PRPSAP2: variants seen among roughly 807,000 people sequenced by gnomAD.
PRPSAP2 encodes the protein phosphoribosyl pyrophosphate synthetase associated protein 2, also known as phosphoribosyl pyrophosphate synthase-associated protein 2.
A neutral mutation model predicts 40.6 loss-of-function variants in PRPSAP2; 24 were observed. The observed-to-expected ratio is 0.59, with a 90% CI of 0.43 to 0.83. The LOEUF (loss-of-function observed/expected upper bound fraction) is 0.83, where lower values mean the gene tolerates loss of function less well. Ranked by LOEUF, PRPSAP2 falls within the 40% of genes least tolerant of loss-of-function variation. The pLI, the probability that PRPSAP2 is intolerant of heterozygous loss-of-function variation, is 0.00. For synonymous variants in PRPSAP2, 149 were observed against 164.7 expected, an observed-to-expected ratio of 0.90 and a Z score of 0.73; for missense variants, 292 against 465.6, an observed-to-expected ratio of 0.63 and a Z score of 3.43.
intron 9 of PRPSAP2, among the ~76,000 whole-genome samples, chr17:18,916,376 A>ATT (rs1160254744): frequency 1.3e-4 from 18 of 137,726 alleles, no homozygotes; most frequent in South Asian, 2.3e-4. Context: ...TAGACTTGGT[A>ATT]TTTTTTTTTT....
chr17:18,887,537 G>C (rs542525572), intron 7 of PRPSAP2, among the ~76,000 whole-genome samples: 1 of 152,084 alleles, frequency 6.6e-6, no homozygotes, highest in Non-Finnish European at 1.5e-5. Context: ...CCATCTTTGG[G>C]AATTTTTTTT....
chr17:18,900,132 G>A (rs942630118), intron 8 of PRPSAP2, among the ~76,000 whole-genome samples: 2 of 151,876 alleles, frequency 1.3e-5, no homozygotes, highest in Admixed American at 6.6e-5. Flanking sequence ...TGATCTGCCC[G>A]CCTCAGCCTC....
chr17:18,863,473 G>A (rs1208767974), intron 1 of PRPSAP2, among the ~76,000 whole-genome samples: 1 of 152,076 alleles, frequency 6.6e-6, no homozygotes, highest in Non-Finnish European at 1.5e-5. Flanking sequence ...GAATGTTGAT[G>A]ATTAAACGTA....
chr17:18,900,282 A>G (rs1411247844), intron 8 of PRPSAP2, among the ~76,000 whole-genome samples: 1 of 152,200 alleles, frequency 6.6e-6, no homozygotes, highest in Non-Finnish European at 1.5e-5. Context: ...TCGGCCTCCC[A>G]AAGTACTGGA....
intron 8 of PRPSAP2, among the ~76,000 whole-genome samples, chr17:18,909,724 AC>A (rs1237278195): frequency 6.6e-6 from 1 of 151,134 alleles, no homozygotes; most frequent in Non-Finnish European, 1.5e-5. Context: ...GGCCAACATG[AC>A]AAAACCCCGT....
chr17:18,913,351 A>G (rs190308469), intron 9 of PRPSAP2, among the ~76,000 whole-genome samples: 5 of 152,116 alleles, frequency 3.3e-5, no homozygotes, highest in Admixed American at 2.0e-4. Context: ...GGCCCGAGCT[A>G]TAGTTGGACC....
At chr17:18,909,940 C>T (rs2040855731) in intron 8 of PRPSAP2, among the ~76,000 whole-genome samples, 1 of 152,106 alleles carries the variant, frequency 6.6e-6, no homozygotes, top group African/African-American at 2.4e-5. Flanking sequence ...ATACAGAGAT[C>T]TGTGTATGAA....
At chr17:18,868,450 G>T (rs533963028) in intron 4 of PRPSAP2, among the ~76,000 whole-genome samples, 1 of 150,698 alleles carries the variant, frequency 6.6e-6, no homozygotes, top group South Asian at 2.1e-4. Flanking sequence ...ACTCCAGCCT[G>T]GGGGGGAACA....
chr17:18,880,091 C>T (rs889803533), intron 6 of PRPSAP2, among the ~76,000 whole-genome samples: 1 of 151,660 alleles, frequency 6.6e-6, no homozygotes, highest in South Asian at 2.1e-4. Flanking sequence ...AGCAAAACTC[C>T]GTCTCAAAAA....
intron 11 of PRPSAP2, among the ~76,000 whole-genome samples, chr17:18,929,261 G>T (rs1022965099): frequency 6.6e-5 from 10 of 152,032 alleles, no homozygotes; most frequent in African/African-American, 2.4e-4. Flanking sequence ...GGAGGCTGAG[G>T]CAAGAGAATC....
chr17:18,925,062 G>A (rs2041899412), intron 10 of PRPSAP2, among the ~76,000 whole-genome samples: 2 of 152,108 alleles, frequency 1.3e-5, no homozygotes, highest in Admixed American at 6.5e-5. Context: ...GGAGGTTGCA[G>A]TGAGCCAAGA....
In PRPSAP2 at chr17:18,913,353, A is replaced by G. The variant is rs114288024; in HGVS notation, c.733+2102A>G. Among the ~76,000 whole-genome samples the G allele has an allele frequency of 8.5e-3, 1,295 of 152,106 alleles. 20 individuals are homozygous for G. Among genetic ancestry groups the G allele is most frequent in the African/African-American group, 0.029 (1,190 of 41,494 alleles). On this transcript the variant is annotated intron_variant, in intron 9 of 11. Coordinates refer to ENST00000268835, the MANE Select transcript of PRPSAP2 (RefSeq NM_002767.4). ...CTTCCAGAGGGGTGGCCCGAGCTAT[A>G]GTTGGACCTGCTTGAGCTATAGCTG...
chr17:18,910,291 G>T (rs2040878459), intron 8 of PRPSAP2, among the ~76,000 whole-genome samples: 1 of 152,104 alleles, frequency 6.6e-6, no homozygotes, highest in Admixed American at 6.5e-5. Flanking sequence ...ATGTGGTGGT[G>T]CATGACTGTA....
intron 7 of PRPSAP2, among the ~76,000 whole-genome samples, chr17:18,889,033 G>GA (rs1201619122): frequency 6.6e-6 from 1 of 152,192 alleles, no homozygotes; most frequent in African/African-American, 2.4e-5. Flanking sequence ...GGAAATACAT[G>GA]AAAAAGTTTA....
rs563711529 is a variant in PRPSAP2 at position 18,925,105 on chromosome 17, G to A, written c.804+1121G>A. ...ACTGCACTCTAGCCTGGGCGAAAGA[G>A]TGAGATTCCATCTCAAAAGAAAAAA... On this transcript the variant is annotated intron_variant, in intron 10 of 11. Coordinates refer to ENST00000268835, the MANE Select transcript of PRPSAP2 (RefSeq NM_002767.4). Among the ~76,000 whole-genome samples the A allele has an allele frequency of 1.7e-4, 26 of 152,092 alleles. No homozygotes were observed. In the East Asian group the frequency reaches 5.0e-3, roughly 29 times the overall value.
intron 5 of PRPSAP2, among the ~76,000 whole-genome samples, chr17:18,875,810 C>T (rs961350284): frequency 4.8e-5 from 7 of 146,170 alleles, no homozygotes; most frequent in African/African-American, 1.8e-4. Context: ...GCCAAGATGG[C>T]GCCACTATAC....
chr17:18,930,298 C>G (rs950522895), intron 11 of PRPSAP2, among the ~76,000 whole-genome samples: 2 of 152,148 alleles, frequency 1.3e-5, no homozygotes, highest in African/African-American at 4.8e-5. Context: ...GGCATGAACC[C>G]AGGAGGCAGA....
At chr17:18,925,966 G>A (rs1234013243) in intron 10 of PRPSAP2, among the ~76,000 whole-genome samples, 12 of 152,072 alleles carry the variant, frequency 7.9e-5, no homozygotes, top group Admixed American at 3.3e-4. Context: ...TTAGCCGGGC[G>A]TAGTGGTGGG....
chr17:18,909,505 A>G (rs1482986895), intron 8 of PRPSAP2, among the ~76,000 whole-genome samples: 1 of 151,806 alleles, frequency 6.6e-6, no homozygotes, highest in Non-Finnish European at 1.5e-5. Flanking sequence ...TGGCCTCCCA[A>G]AGTGCTGGGA....
Sources: gnomAD v4.1 joint callset for allele counts (sites outside exome capture counted in the v4.1 genomes callset) on GRCh38, gnomAD v4.1.1 for gene constraint, MANE v1.5 for transcripts, NCBI Gene and HGNC (gene_info 2026-07-23, HGNC 2026-07-21) for gene names.